DENND1A: variants seen among roughly 807,000 people sequenced by gnomAD.
DENND1A encodes the protein DENN domain-containing protein 1A.
Under a neutral mutation model 113.7 loss-of-function variants are expected in DENND1A, and 51 were observed. The observed-to-expected ratio is 0.45, with a 90% CI of 0.36 to 0.57. DENND1A has a LOEUF of 0.57. Among genes scored for constraint, DENND1A ranks in the 20% least tolerant of loss-of-function variants. The probability of loss-of-function intolerance (pLI) is 0.00; values close to 1 mark genes in which losing one functional copy is unlikely to be tolerated. For synonymous variants in DENND1A, 565 were observed against 570.8 expected (o/e 0.99, Z 0.14); for missense variants, 1,258 against 1,395.9 (o/e 0.90, Z 1.57).
At chr9:123,815,805 G>A (rs1837356705) in intron 2 of DENND1A, among the ~76,000 whole-genome samples, 1 of 152,000 alleles carries the variant, frequency 6.6e-6, no homozygotes, top group Non-Finnish European at 1.5e-5. Context: ...ACAATGTGAG[G>A]AGGCTAAAAC....
At chr9:123,738,548 T>A (rs2068750023) in intron 5 of DENND1A, among the ~76,000 whole-genome samples, 2 of 152,082 alleles carry the variant, frequency 1.3e-5, no homozygotes, top group Admixed American at 1.3e-4. Context: ...TCTACATACT[T>A]TTCTCTTCCC....
chr9:123,883,261 G>T (rs1256417609), intron 1 of DENND1A, among the ~76,000 whole-genome samples: 3 of 152,200 alleles, frequency 2.0e-5, no homozygotes, highest in African/African-American at 7.2e-5. Flanking sequence ...GGAGAGCAGG[G>T]ATCTTGTCTA....
intron 10 of DENND1A, among the ~76,000 whole-genome samples, chr9:123,609,780 T>C (rs2060330137): frequency 6.6e-6 from 1 of 152,170 alleles, no homozygotes; most frequent in Non-Finnish European, 1.5e-5. Context: ...ATCTTTAAAA[T>C]GGAATCCTGG....
chr9:123,487,054 T>C (rs528712161), intron 13 of DENND1A, among the ~76,000 whole-genome samples: 1 of 152,240 alleles, frequency 6.6e-6, no homozygotes, highest in Non-Finnish European at 1.5e-5. Flanking sequence ...CACTTCAAGC[T>C]AGAAGGACCA....
intron 2 of DENND1A, among the ~76,000 whole-genome samples, chr9:123,804,744 T>C (rs1835254851): frequency 1.3e-5 from 2 of 152,184 alleles, no homozygotes; most frequent in Non-Finnish European, 2.9e-5. Flanking sequence ...CTTCAAAATA[T>C]ATTCAAATTC....
At chr9:123,626,202 C>G (rs1213346126) in intron 10 of DENND1A, among the ~76,000 whole-genome samples, 1 of 152,060 alleles carries the variant, frequency 6.6e-6, no homozygotes, top group African/African-American at 2.4e-5. Flanking sequence ...CTGAGGCTAC[C>G]TTTTAGAGCA....
intron 5 of DENND1A, among the ~76,000 whole-genome samples, chr9:123,733,670 ATTT>A (rs747578846): frequency 7.4e-6 from 1 of 135,550 alleles, no homozygotes. Flanking sequence ...CTTGTTGGTT[ATTT>A]TTTTTTTTTT....
chr9:123,631,081 T>C (rs915504008), intron 9 of DENND1A, among the ~76,000 whole-genome samples: 5 of 152,184 alleles, frequency 3.3e-5, no homozygotes, highest in Admixed American at 1.3e-4. Context: ...AATGTAGAAT[T>C]CAGAGACAAA....
At chr9:123,430,374 G>A (rs2046044912) in intron 19 of DENND1A, among the ~76,000 whole-genome samples, 1 of 152,128 alleles carries the variant, frequency 6.6e-6, no homozygotes, top group South Asian at 2.1e-4. Flanking sequence ...CTACTATAAA[G>A]ATACATGCAC....
chr9:123,397,427 T>A (rs1473645423), intron 21 of DENND1A, among the ~76,000 whole-genome samples: 1 of 152,220 alleles, frequency 6.6e-6, no homozygotes, highest in Non-Finnish European at 1.5e-5. Flanking sequence ...AGTACTGGGA[T>A]ACAAGCATGA....
At chr9:123,537,623 C>G (rs1286890393) in intron 13 of DENND1A, among the ~76,000 whole-genome samples, 1 of 150,668 alleles carries the variant, frequency 6.6e-6, no homozygotes, top group Non-Finnish European at 1.5e-5. Context: ...AATAAAATTG[C>G]TGAACTTAAA....
chr9:123,430,799 G>A (rs989417812), intron 19 of DENND1A, among the ~76,000 whole-genome samples: 11 of 152,146 alleles, frequency 7.2e-5, no homozygotes, highest in East Asian at 1.9e-4. Context: ...TAACAAGCCC[G>A]CACATCCTGC....
intron 9 of DENND1A, among the ~76,000 whole-genome samples, chr9:123,641,611 T>C (rs1409942596): frequency 6.6e-6 from 1 of 152,134 alleles, no homozygotes; most frequent in Non-Finnish European, 1.5e-5. Flanking sequence ...AAAGAGAATA[T>C]GGAAACAAAG....
chr9:123,861,875 C>T (rs1207538321), intron 2 of DENND1A, among the ~76,000 whole-genome samples: 1 of 152,132 alleles, frequency 6.6e-6, no homozygotes, highest in Non-Finnish European at 1.5e-5. Flanking sequence ...CCAAGACCAG[C>T]AAATGCTGCC....
intron 12 of DENND1A, among the ~76,000 whole-genome samples, chr9:123,572,173 T>C (rs1429090059): frequency 6.6e-6 from 1 of 152,214 alleles, no homozygotes; most frequent in African/African-American, 2.4e-5. Flanking sequence ...ACTCAGCTGT[T>C]TCTAGCTTTA....
At chr9:123,925,679 T>G (rs1005388800) in intron 1 of DENND1A, among the ~76,000 whole-genome samples, 1 of 152,226 alleles carries the variant, frequency 6.6e-6, no homozygotes, top group Admixed American at 6.5e-5. Flanking sequence ...AATATGTGCT[T>G]AATCTTCTTA....
At chr9:123,916,255 C>G (rs923944037) in intron 1 of DENND1A, among the ~76,000 whole-genome samples, 1 of 151,914 alleles carries the variant, frequency 6.6e-6, no homozygotes, top group Non-Finnish European at 1.5e-5. Context: ...CAGGAGAGAC[C>G]TCTTTACAGG....
intron 1 of DENND1A, among the ~76,000 whole-genome samples, chr9:123,882,744 CCACT>C (rs1435842652): frequency 6.6e-6 from 1 of 152,204 alleles, no homozygotes; most frequent in East Asian, 1.9e-4. Flanking sequence ...GCTCCCCACA[CCACT>C]CAAAGTCAAG....
chr9:123,781,191 G>C (rs987760222), intron 3 of DENND1A, among the ~76,000 whole-genome samples: 1 of 152,130 alleles, frequency 6.6e-6, no homozygotes, highest in Non-Finnish European at 1.5e-5. Flanking sequence ...TCTGTTGAAG[G>C]GCCTTAGGGT....
Sources: gnomAD v4.1 joint callset for allele counts (sites outside exome capture counted in the v4.1 genomes callset) on GRCh38, gnomAD v4.1.1 for gene constraint, MANE v1.5 for transcripts, NCBI Gene and HGNC (gene_info 2026-07-23, HGNC 2026-07-21) for gene names.